Variants in MDGA2 observed in about 807,000 individuals in gnomAD.
MDGA2 encodes MAM domain containing glycosylphosphatidylinositol anchor 2.
MDGA2 carries 40 observed loss-of-function variants against 117.8 expected under a neutral mutation model. The observed-to-expected ratio is 0.34, with a 90% CI of 0.26 to 0.44. The LOEUF is 0.44. Among genes scored for constraint, MDGA2 ranks in the 20% least tolerant of loss-of-function variants. The pLI is 1.00. For missense variants in MDGA2, 1,123 were observed against 1,250.6 expected, an observed-to-expected ratio of 0.90 and a Z score of 1.54; for synonymous variants, 452 against 439.0, an observed-to-expected ratio of 1.03 and a Z score of -0.37.
At chr14:47,324,533 C>T (rs556637236) in intron 1 of MDGA2, among the ~76,000 whole-genome samples, 3 of 152,236 alleles carry the variant, frequency 2.0e-5, no homozygotes, top group South Asian at 4.1e-4. Flanking sequence ...GCAGAACCAT[C>T]GAGCCAACTC....
chr14:47,398,339 A>C (rs1310797285), intron 1 of MDGA2, among the ~76,000 whole-genome samples: 1 of 152,226 alleles, frequency 6.6e-6, no homozygotes, highest in Non-Finnish European at 1.5e-5. Context: ...TGTAGGAAGC[A>C]GTATTGAGCC....
intron 8 of MDGA2, among the ~76,000 whole-genome samples, chr14:47,027,990 A>T (rs541605036): frequency 1.3e-5 from 2 of 152,220 alleles, no homozygotes; most frequent in African/African-American, 2.4e-5. Flanking sequence ...CTTATAATAC[A>T]TTGTTTCTAT....
At chr14:47,319,722 C>T (rs957862058) in intron 1 of MDGA2, among the ~76,000 whole-genome samples, 1 of 152,054 alleles carries the variant, frequency 6.6e-6, no homozygotes, top group Non-Finnish European at 1.5e-5. Flanking sequence ...TGTCTTATGG[C>T]AGCAATAGGA....
chr14:46,846,004 T>C, intron 15 of MDGA2, 133 bp from the exon 16 acceptor site: 1 of 659,396 alleles, frequency 1.5e-6, no homozygotes, highest in African/African-American at 1.8e-5. Flanking sequence ...CTTTCAAAAT[T>C]AAAACTTGCA....
At chr14:47,364,353 C>T (rs1407901117) in intron 1 of MDGA2, among the ~76,000 whole-genome samples, 1 of 152,198 alleles carries the variant, frequency 6.6e-6, no homozygotes, top group Non-Finnish European at 1.5e-5. Flanking sequence ...CAAGCTCTGC[C>T]TCCCGGGTTC....
At chr14:47,665,121 C>T (rs1161627804) in intron 1 of MDGA2, among the ~76,000 whole-genome samples, 3 of 152,126 alleles carry the variant, frequency 2.0e-5, no homozygotes, top group African/African-American at 7.2e-5. Context: ...TGTTCCTCCA[C>T]CTAGAACCCA....
At chr14:47,260,472 G>A (rs1156389942) in intron 2 of MDGA2, among the ~76,000 whole-genome samples, 1 of 151,994 alleles carries the variant, frequency 6.6e-6, no homozygotes, top group African/African-American at 2.4e-5. Context: ...TGATAATAAG[G>A]TGTGTCCAGA....
chr14:47,564,355 A>C (rs974141419), intron 1 of MDGA2, among the ~76,000 whole-genome samples: 1 of 152,170 alleles, frequency 6.6e-6, no homozygotes, highest in South Asian at 2.1e-4. Flanking sequence ...TTTGCTAAAG[A>C]AAGAGGCTTA....
intron 8 of MDGA2, among the ~76,000 whole-genome samples, chr14:46,979,686 C>T (rs1361620424): frequency 5.3e-5 from 8 of 152,154 alleles, no homozygotes; most frequent in Admixed American, 5.2e-4. Context: ...ACAGCAGGGT[C>T]CTAACTTTCT....
intron 2 of MDGA2, among the ~76,000 whole-genome samples, chr14:47,271,210 T>A (rs866600164): frequency 4.6e-5 from 7 of 152,188 alleles, no homozygotes; most frequent in Non-Finnish European, 5.9e-5. Flanking sequence ...GCTGCTCCAA[T>A]ACTAGCAACA....
rs1278998737 is a variant in MDGA2 at position 46,855,658 on chromosome 14, A to C, written c.2753-504T>G. ...TCAGCCCTGCTGACATCTTGATTTT[A>C]GGCCCAGAATGCTTTTTTTAAATTT... On this transcript the variant is annotated intron_variant, in intron 14 of 16. Transcript: ENST00000399232. This position sits in a 1 kb window ranked among gnomAD's most constrained non-coding sequence, Gnocchi z 4.1. Among the ~76,000 whole-genome samples the C allele has an allele frequency of 6.6e-6, 1 of 152,156 alleles. No individual in the cohort carries two copies. Among genetic ancestry groups the C allele is most frequent in the Non-Finnish European group, 1.5e-5 (1 of 68,012 alleles).
At chr14:46,984,378 T>C (rs1323781450) in intron 8 of MDGA2, among the ~76,000 whole-genome samples, 2 of 152,066 alleles carry the variant, frequency 1.3e-5, no homozygotes, top group Non-Finnish European at 2.9e-5. Context: ...GGAAATATTA[T>C]GAGTGTTTCA....
At position 47,384,013 on chromosome 14, in the gene MDGA2, ATAATAGATAGAT is replaced by A. The variant is rs1162187418; in HGVS notation, c.281-82475_281-82464del. Reference sequence around the variant, plus strand: ...GATAGATAGATAGATAGATAGATAGATAATAGATAGATTAGATAAAGAGATAAATAGAACATA... The same window carrying A: ...GATAGATAGATAGATAGATAGATAGATAGATAAAGAGATAAATAGAACATA... On this transcript the variant is annotated intron_variant, in intron 1 of 16. Transcript: ENST00000399232. 1.1e-3 allele frequency among the ~76,000 whole-genome samples: 136 copies of A among 118,330 alleles called. 2 individuals are homozygous for A. Among genetic ancestry groups the A allele is most frequent in the Admixed American group, 5.3e-3 (55 of 10,390 alleles). 77.6% of individuals were successfully genotyped at this position (118,330 alleles called of 152,430 possible).
intron 5 of MDGA2, among the ~76,000 whole-genome samples, chr14:47,114,407 G>A (rs1252111369): frequency 6.6e-6 from 1 of 151,904 alleles, no homozygotes; most frequent in Non-Finnish European, 1.5e-5. Flanking sequence ...ATTCTTCCCA[G>A]AATTAGGAAA....
chr14:47,630,346 T>C (rs1461306611), intron 1 of MDGA2, among the ~76,000 whole-genome samples: 2 of 152,212 alleles, frequency 1.3e-5, no homozygotes, highest in Admixed American at 6.5e-5. Context: ...GCTTGTAATT[T>C]GAGTATATAT....
rs190948946 is a variant in MDGA2 at position 47,159,893 on chromosome 14, T to C, written c.596-15619A>G. Among the ~76,000 whole-genome samples the C allele has an allele frequency of 1.4e-3, 218 of 152,306 alleles. 1 individual carries two copies. The highest frequency in any genetic ancestry group is 2.5e-3 in the Non-Finnish European group (171 of 68,026). On this transcript the variant is annotated intron_variant, in intron 3 of 16. Coordinates refer to ENST00000399232, the MANE Select transcript of MDGA2 (RefSeq NM_001113498.3). ...TATTAATTTTGTTCAGCAAATATCA[T>C]TTCATAGACATATAACTTAATTTTT... is the stretch of plus-strand genomic sequence containing the variant.
In MDGA2 at chr14:46,933,799, AATATATATATATATATATATATATAT is replaced by A. The variant is rs34723414; in HGVS notation, c.2090-13665_2090-13640del. 3.2e-3 allele frequency among the ~76,000 whole-genome samples: 280 copies of A among 87,336 alleles called. 2 individuals are homozygous for A. Among genetic ancestry groups the A allele is most frequent in the Middle Eastern group, 7.1e-3 (1 of 140 alleles). 57.3% of individuals were successfully genotyped at this position (87,336 alleles called of 152,430 possible). A position where few individuals can be genotyped will look rare whatever the true frequency, so the allele number is the denominator to read the frequency against. ...CAAAGTTCTACTGGTTTATGTAACAAATATATATATATATATATATATATATATATATATATATATATATATATATA... is the reference window on the plus strand; with the variant it reads ...CAAAGTTCTACTGGTTTATGTAACAAATATATATATATATATATATATATA... On this transcript the variant is annotated intron_variant, in intron 9 of 16. Coordinates refer to ENST00000399232, the MANE Select transcript of MDGA2 (RefSeq NM_001113498.3).
intron 9 of MDGA2, among the ~76,000 whole-genome samples, chr14:46,931,214 CAAAAAAA>C (rs34493526): frequency 2.6e-5 from 2 of 76,294 alleles, no homozygotes; most frequent in African/African-American, 9.6e-5. Flanking sequence ...GACTACATCT[CAAAAAAA>C]AAAAAAAAAA....
At chr14:47,667,487 C>G (rs1478175030) in intron 1 of MDGA2, among the ~76,000 whole-genome samples, 1 of 152,220 alleles carries the variant, frequency 6.6e-6, no homozygotes, top group Non-Finnish European at 1.5e-5. Context: ...TTTCAGGACA[C>G]CAGAAAAATC....
Sources: gnomAD v4.1 joint callset for allele counts (sites outside exome capture counted in the v4.1 genomes callset) on GRCh38, gnomAD v4.1.1 for gene constraint, Gnocchi (gnomAD v3.1) non-coding constraint, MANE v1.5 for transcripts, NCBI Gene and HGNC (gene_info 2026-07-23, HGNC 2026-07-21) for gene names.